ABCA1: variants seen among roughly 807,000 people sequenced by gnomAD.
ABCA1 encodes the protein ATP binding cassette subfamily A member 1.
ABCA1 carries 133 observed loss-of-function variants against 262.5 expected under a neutral mutation model. The observed-to-expected ratio is 0.51, with a 90% confidence interval of 0.44 to 0.59. The LOEUF (loss-of-function observed/expected upper bound fraction) is 0.59. Ranked by LOEUF, ABCA1 falls within the 20% of genes least tolerant of loss-of-function variation. The pLI is 0.00. For synonymous variants in ABCA1, 1,022 were observed against 1,043.5 expected (o/e 0.98, Z 0.40); for missense variants, 2,452 against 2,777.5 (o/e 0.88, Z 2.63).
intron 1 of ABCA1, among the ~76,000 whole-genome samples, chr9:104,905,377 G>A (rs1841043369): frequency 6.6e-6 from 1 of 152,158 alleles, no homozygotes; most frequent in African/African-American, 2.4e-5. Context: ...TTCTAGAAAA[G>A]TCAAGAGATT....
chr9:104,831,514 T>C (rs1247440249), intron 13 of ABCA1, 108 bp downstream of exon 13: 7 of 949,450 alleles, frequency 7.4e-6, no homozygotes, highest in Non-Finnish European at 1.1e-5. Flanking sequence ...TTTGTTGTTG[T>C]TGAAATTTCT....
intron 34 of ABCA1, among the ~76,000 whole-genome samples, chr9:104,801,723 T>C (rs1375444119): frequency 2.0e-5 from 3 of 152,074 alleles, no homozygotes; most frequent in African/African-American, 4.8e-5. Context: ...TTTGTATTTT[T>C]AGTAGATACG....
Position 104,861,814 on chromosome 9 carries a change from G to A in ABCA1, c.422-14C>T. The A allele has an allele frequency of 6.2e-7, 1 of 1,605,364 alleles. No homozygotes were observed. The highest frequency in any genetic ancestry group is 8.5e-7 in the Non-Finnish European group (1 of 1,175,324). ...GAAGCTTCAAGTCTATTGAGAAATAGTGTTTTATTTTTATTTAGTAAGTAA... is the reference window on the plus strand; with the variant it reads ...GAAGCTTCAAGTCTATTGAGAAATAATGTTTTATTTTTATTTAGTAAGTAA... On this transcript the variant is annotated splice_polypyrimidine_tract_variant and intron_variant, in intron 5 of 49. Transcript: ENST00000374736.
Position 104,786,896 on chromosome 9 carries a change from T to G in ABCA1, c.6285A>C (p.Arg2095Ser), listed in dbSNP as rs761946673. ...ACCTATGAGATGTAAGCACTACTGA[T>G]CTCCCCTCCTTGACAACACTTAGGG... Reference protein sequence around the residue: ...NCALSVVKEGRSVVLTSHSME... With the variant: ...NCALSVVKEGSSVVLTSHSME... The change falls in exon 47 of 50, where the codon AGA (arginine) becomes AGC (serine). Residue 2095 changes from arginine (R) to serine (S), a missense_variant. Transcript: ENST00000374736. The G allele has an allele frequency of 1.2e-6, 2 of 1,613,828 alleles. No individual in the cohort carries two copies. The highest frequency in any genetic ancestry group is 2.7e-5 in the African/African-American group (2 of 74,868).
chr9:104,871,579 C>T (rs77546699), intron 5 of ABCA1, among the ~76,000 whole-genome samples: 6 of 152,086 alleles, frequency 3.9e-5, no homozygotes, highest in Non-Finnish European at 8.8e-5. Context: ...ATAACATTGA[C>T]CCAAATGAAT....
chr9:104,846,328 A>C (rs1160494785), intron 7 of ABCA1, among the ~76,000 whole-genome samples: 1 of 152,236 alleles, frequency 6.6e-6, no homozygotes, highest in Non-Finnish European at 1.5e-5. Flanking sequence ...AAGACGTGAG[A>C]TCAGTTTCTT....
intron 17 of ABCA1, 106 bp from the exon 18 acceptor site, chr9:104,824,684 C>A: frequency 7.5e-7 from 1 of 1,331,488 alleles, no homozygotes; most frequent in Non-Finnish European, 1.1e-6. Flanking sequence ...GGAGAAGGAA[C>A]AGATTTGAAT....
intron 1 of ABCA1, among the ~76,000 whole-genome samples, chr9:104,926,528 A>C (rs1381171750): frequency 6.6e-6 from 1 of 151,738 alleles, no homozygotes; most frequent in East Asian, 1.9e-4. Context: ...CCCCGTCTGC[A>C]ACCACCGGTC....
In ABCA1 at chr9:104,840,352, G is replaced by A. The variant is rs757984788; in HGVS notation, c.981C>T (p.Asp327=). The A allele has an allele frequency of 3.1e-6, 5 of 1,614,206 alleles. No homozygotes were observed. The highest frequency in any genetic ancestry group is 4.2e-6 in the Non-Finnish European group (5 of 1,180,040). ...CTCCAAAGAGGGCTTTGTAGTTGTTGTCCTCATACCAGTTGAGAGACTTGA... is the reference window on the plus strand; with the variant it reads ...CTCCAAAGAGGGCTTTGTAGTTGTTATCCTCATACCAGTTGAGAGACTTGA... ...LKIKSLNWYE[D]NNYKALFGGN... is the part of the protein sequence containing the mutation. Residue 327 remains aspartate, a synonymous_variant, in exon 9 of 50, where the codon GAC becomes GAT. Coordinates refer to ENST00000374736, the MANE Select transcript of ABCA1 (RefSeq NM_005502.4).
intron 5 of ABCA1, among the ~76,000 whole-genome samples, chr9:104,877,048 G>A (rs949871506): frequency 1.3e-5 from 2 of 152,192 alleles, no homozygotes; most frequent in African/African-American, 4.8e-5. Flanking sequence ...AAGGAGCTAT[G>A]AAAAATAAAG....
rs534696812 is a variant in ABCA1, at chr9:104,883,440, T to C, written c.303-283A>G. ...CATCATGCATGTGCACACACATGCA[T>C]GCACACACATGCCCCCAGGGCCAAC... is the stretch of plus-strand genomic sequence containing the variant. On this transcript the variant is annotated intron_variant, in intron 4 of 49. Coordinates refer to ENST00000374736, the MANE Select transcript of ABCA1 (RefSeq NM_005502.4). Among the ~76,000 whole-genome samples, 3 of 152,280 alleles carry C rather than the reference T, an allele frequency of 2.0e-5. No individual in the cohort carries two copies. In the East Asian group the frequency reaches 5.8e-4, roughly 29 times the overall value.
At chr9:104,903,880 T>C (rs997879610) in intron 1 of ABCA1, 109 bp from the exon 2 acceptor site, 1 of 620,208 alleles carries the variant, frequency 1.6e-6, no homozygotes, top group Non-Finnish European at 2.9e-6. Flanking sequence ...AACACACAGC[T>C]CTGCATCATG....
chr9:104,824,510 C>A lies in ABCA1; in HGVS notation c.2611G>T (p.Asp871Tyr). 2 of 1,614,136 alleles carry A rather than the reference C, an allele frequency of 1.2e-6. No individual in the cohort carries two copies. Among genetic ancestry groups the A allele is most frequent in the Non-Finnish European group, 1.7e-6 (2 of 1,180,030 alleles). The change falls in exon 18 of 50, where the codon GAT becomes TAT. Residue 871 changes from aspartate to tyrosine, a missense_variant. By Grantham distance (160) the Asp-to-Tyr change is radical. Transcript: ENST00000374736. ...TKSYWFGEES[D>Y]EKSHPGSNQK... ...TTGGAACCAGGGTGGCTCTTCTCAT[C>A]ACTTTCCTCGCCAAACCAGTAGGAC... is the stretch of plus-strand genomic sequence containing the variant.
intron 5 of ABCA1, among the ~76,000 whole-genome samples, chr9:104,881,985 A>G (rs966746006): frequency 3.6e-5 from 5 of 137,270 alleles, no homozygotes; most frequent in Non-Finnish European, 6.1e-5. Flanking sequence ...CACATTGCCC[A>G]TTGCCTCTTT....
At chr9:104,926,759 C>G (rs1402975983) in intron 1 of ABCA1, among the ~76,000 whole-genome samples, 1 of 152,232 alleles carries the variant, frequency 6.6e-6, no homozygotes, top group Admixed American at 6.5e-5. Context: ...TCCACGGCAC[C>G]ACCTCGGCCC....
intron 34 of ABCA1, among the ~76,000 whole-genome samples, 157 bp downstream of exon 34, chr9:104,801,897 T>C (rs961717025): frequency 7.2e-5 from 11 of 152,218 alleles, no homozygotes; most frequent in Non-Finnish European, 4.4e-5. Context: ...TAATTCAGTT[T>C]TGTCTGGCTC....
At position 104,826,741 on chromosome 9, in the gene ABCA1, C is replaced by T. The variant is rs1832842236; in HGVS notation, c.2337+207G>A. Among the ~76,000 whole-genome samples the T allele has an allele frequency of 2.6e-5, 4 of 152,202 alleles. No individual in the cohort carries two copies. The South Asian group carries it at 8.3e-4, about 32-fold the overall frequency. On this transcript the variant is annotated intron_variant, in intron 16 of 49. Transcript: ENST00000374736. ...AAAATTCCATTCAATTCAATTCAAC[C>T]AGGATTCACTGAGAAGACTAAAGGT...
At chr9:104,804,890 G>A (rs1043236674) in intron 31 of ABCA1, among the ~76,000 whole-genome samples, 170 bp from the exon 32 acceptor site, 13 of 152,126 alleles carry the variant, frequency 8.5e-5, no homozygotes, top group Non-Finnish European at 2.9e-5. Flanking sequence ...CCCTGCCCTC[G>A]GCACTGGTAA....
chr9:104,840,261 G>T lies in ABCA1; in HGVS notation c.1054+18C>A. 1.2e-6 allele frequency: 2 copies of T among 1,614,088 alleles called. No homozygotes were observed. The highest frequency in any genetic ancestry group is 1.1e-5 in the South Asian group (1 of 91,068). ...GGATGGGGTTGGGGACAGGGCTGGG[G>T]TCTGCATGGACACTCACTTGTAGAG... On this transcript the variant is annotated intron_variant, in intron 9 of 49. Coordinates refer to ENST00000374736, the MANE Select transcript of ABCA1 (RefSeq NM_005502.4).
Sources: gnomAD v4.1 joint callset for allele counts (sites outside exome capture counted in the v4.1 genomes callset) on GRCh38, gnomAD v4.1.1 for gene constraint, MANE v1.5 for transcripts, NCBI Gene and HGNC (gene_info 2026-07-23, HGNC 2026-07-21) for gene names.